LARP4: variants seen among roughly 807,000 people sequenced by gnomAD.
LARP4 encodes the protein la-related protein 4.
LARP4 carries 29 observed loss-of-function variants against 92.9 expected under a neutral mutation model. That is an observed-to-expected ratio of 0.31 (90% CI 0.23 to 0.43). The LOEUF (loss-of-function observed/expected upper bound fraction) is 0.43. Ranked by LOEUF, LARP4 falls within the 20% of genes least tolerant of loss-of-function variation. LARP4 has a pLI of 1.00. For missense variants in LARP4, 732 were observed against 860.0 expected (o/e 0.85, Z 1.86); for synonymous variants, 279 against 284.1 (o/e 0.98, Z 0.18).
At chr12:50,467,668 G>A (rs940593089) in intron 13 of LARP4, among the ~76,000 whole-genome samples, 6 of 152,056 alleles carry the variant, frequency 3.9e-5, no homozygotes, top group African/African-American at 1.2e-4. Context: ...CAAGCTAAAT[G>A]GAAGGTATCA....
chr12:50,467,440 G>A lies in LARP4; in HGVS notation c.1545+320G>A, dbSNP rs1457918577. On this transcript the variant is annotated intron_variant, in intron 13 of 15. Transcript: ENST00000398473. ...CAAGTAGCTGGGAGTACAGGCATGC[G>A]CAACCATGCCCAGCTAACTTTTGTA... is the stretch of plus-strand genomic sequence containing the variant. Among the ~76,000 whole-genome samples the A allele has an allele frequency of 2.6e-5, 4 of 151,716 alleles. 1 individual carries two copies. The highest frequency in any genetic ancestry group is 5.9e-5 in the Non-Finnish European group (4 of 67,946).
At chr12:50,401,312 A>C (rs943106345) in intron 1 of LARP4, 4 of 476,420 alleles carry the variant, frequency 8.4e-6, no homozygotes, top group Non-Finnish European at 1.5e-5. Context: ...AAAGTGTCCC[A>C]TATGGACCTC....
At chr12:50,442,393 A>T (rs1219667506) in intron 8 of LARP4, among the ~76,000 whole-genome samples, 1 of 152,212 alleles carries the variant, frequency 6.6e-6, no homozygotes, top group African/African-American at 2.4e-5. Context: ...ATCTGTTCTC[A>T]GGTCCTGTGA....
intron 10 of LARP4, 158 bp downstream of exon 10, chr12:50,454,575 T>A: frequency 2.1e-6 from 1 of 480,730 alleles, no homozygotes; most frequent in Non-Finnish European, 3.6e-6. Context: ...TAATCTAGAA[T>A]TCGTAAAAAC....
intron 2 of LARP4, 84 bp downstream of exon 2, chr12:50,427,993 CTTTTT>C (rs781256448): frequency 4.6e-4 from 141 of 305,604 alleles, no homozygotes; most frequent in Middle Eastern, 2.2e-3. Context: ...AGACACATCT[CTTTTT>C]TTTTTTTTTT....
chr12:50,420,409 GAGC>G (rs1947541302), intron 1 of LARP4, among the ~76,000 whole-genome samples: 2 of 152,206 alleles, frequency 1.3e-5, no homozygotes, highest in South Asian at 2.1e-4. Context: ...GAGAATAATA[GAGC>G]AGTTGTGGAG....
chr12:50,460,466 A>G (rs906861444), intron 10 of LARP4, among the ~76,000 whole-genome samples: 2 of 152,016 alleles, frequency 1.3e-5, no homozygotes, highest in African/African-American at 4.8e-5. Flanking sequence ...AGCTGGGCAT[A>G]TTATAGGTGC....
chr12:50,453,020 C>T (rs1342041607), intron 8 of LARP4, among the ~76,000 whole-genome samples: 1 of 151,888 alleles, frequency 6.6e-6, no homozygotes, highest in Admixed American at 6.6e-5. Flanking sequence ...AGCAGTCCTC[C>T]CCACTCTGCC....
At chr12:50,475,467 A>G (rs1055019400) in intron 15 of LARP4, 59 bp from the exon 16 acceptor site, 114 of 1,372,230 alleles carry the variant, frequency 8.3e-5, no homozygotes, top group Non-Finnish European at 1.1e-4. Context: ...AATCATTTTT[A>G]TACTTTATAA....
chr12:50,457,287 A>ACGTC (rs1410415099), intron 10 of LARP4, among the ~76,000 whole-genome samples: 1 of 148,892 alleles, frequency 6.7e-6, no homozygotes, highest in Non-Finnish European at 1.5e-5. Flanking sequence ...GCTCACTGCA[A>ACGTC]CGTCCGTCTC....
chr12:50,442,244 T>C (rs1415569491), intron 8 of LARP4, among the ~76,000 whole-genome samples: 2 of 152,236 alleles, frequency 1.3e-5, no homozygotes, highest in Non-Finnish European at 2.9e-5. Flanking sequence ...GAAATAATTT[T>C]TAGTAACAGA....
At chr12:50,407,344 G>A (rs1329961515) in intron 1 of LARP4, among the ~76,000 whole-genome samples, 1 of 152,056 alleles carries the variant, frequency 6.6e-6, no homozygotes. Context: ...TTTCTTTAAG[G>A]TTTAAACTAA....
intron 8 of LARP4, among the ~76,000 whole-genome samples, chr12:50,449,645 T>G (rs1391863170): frequency 6.6e-6 from 1 of 152,118 alleles, no homozygotes; most frequent in East Asian, 1.9e-4. Context: ...TGTTAATTCA[T>G]TAGAGATTGC....
Position 50,440,539 on chromosome 12 carries a change from A to T in LARP4, c.740A>T (p.Asp247Val). ...NWYITFQSDT[D>V]AQQAFKYLRE... The stretch of plus-strand genomic sequence containing the variant: ...TATATCACTTTCCAGTCAGACACAG[A>T]TGCACAACAGGTAAGAAGAAAACAT... The change falls in exon 7 of 16, where the codon GAT (aspartate) becomes GTT (valine). Residue 247 changes from aspartate to valine, a missense_variant. By Grantham distance (152) the Asp-to-Val change is radical (BLOSUM62 -3). Transcript: ENST00000398473. The T allele has an allele frequency of 6.2e-7, 1 of 1,606,592 alleles. No individual in the cohort carries two copies. Among genetic ancestry groups the T allele is most frequent in the Non-Finnish European group, 8.5e-7 (1 of 1,173,112 alleles).
chr12:50,457,006 G>C (rs1049695634), intron 10 of LARP4, among the ~76,000 whole-genome samples: 1 of 151,994 alleles, frequency 6.6e-6, no homozygotes, highest in Non-Finnish European at 1.5e-5. Flanking sequence ...TCTGCTTCCC[G>C]AGTTCAAGCA....
Position 50,441,659 on chromosome 12 carries a change from C to T in LARP4, c.804+16C>T. Reference sequence around the variant, plus strand: ...GCCAATTATGGTAAGAAATAGAGATCAGTGTGAAACCAGAACAGGTTTTGG... The same window carrying T: ...GCCAATTATGGTAAGAAATAGAGATTAGTGTGAAACCAGAACAGGTTTTGG... On this transcript the variant is annotated intron_variant, in intron 8 of 15. Coordinates refer to ENST00000398473, the MANE Select transcript of LARP4 (RefSeq NM_052879.5). 6.4e-7 allele frequency: 1 copy of T among 1,568,594 alleles called. No homozygotes were observed. Among genetic ancestry groups the T allele is most frequent in the Non-Finnish European group, 8.7e-7 (1 of 1,148,626 alleles).
Position 50,454,351 on chromosome 12 carries a change from A to G in LARP4, c.1055A>G (p.Asn352Ser). 6.2e-7 allele frequency: 1 copy of G among 1,613,452 alleles called. No individual in the cohort carries two copies. The stretch of plus-strand genomic sequence containing the variant: ...AATGGTAGTTTTGTGAATGGCTTTA[A>G]TTCGCCAGGATCTTATAAAACAAAT... ...FPNGSFVNGF[N>S]SPGSYKTNAA... The change falls in exon 10 of 16, where the codon AAT (asparagine) becomes AGT (serine). Residue 352 changes from asparagine (N) to serine (S), a missense_variant. Coordinates refer to ENST00000398473, the MANE Select transcript of LARP4 (RefSeq NM_052879.5).
At chr12:50,429,176 C>T (rs1470552298) in intron 3 of LARP4, 86 bp downstream of exon 3, 1 of 881,588 alleles carries the variant, frequency 1.1e-6, no homozygotes, top group East Asian at 2.6e-5. Flanking sequence ...TTCTGATAAA[C>T]CTATGGCATT....
At chr12:50,424,037 G>A (rs1948325484) in intron 1 of LARP4, among the ~76,000 whole-genome samples, 1 of 152,168 alleles carries the variant, frequency 6.6e-6, no homozygotes, top group African/African-American at 2.4e-5. Flanking sequence ...GGAATTACGG[G>A]CATGAGCCAC....
Sources: allele counts gnomAD v4.1 joint callset (sites outside exome capture counted in the v4.1 genomes callset), GRCh38; gene constraint gnomAD v4.1.1; transcripts MANE v1.5; gene names NCBI Gene and HGNC (gene_info 2026-07-23, HGNC 2026-07-21).